The following DGCR8 variants were observed in gnomAD, a reference collection of about 807,000 sequenced individuals.
The protein encoded by DGCR8 is microprocessor complex subunit DGCR8.
DGCR8 carries 14 observed loss-of-function variants against 78.5 expected under a neutral mutation model. The observed-to-expected ratio is 0.18, with a 90% CI of 0.12 to 0.28. The LOEUF (loss-of-function observed/expected upper bound fraction) is 0.28. Ranked by LOEUF, DGCR8 falls within the 10% of genes least tolerant of loss-of-function variation. The pLI, the probability that DGCR8 is intolerant of heterozygous loss-of-function variation, is 1.00. For missense variants in DGCR8, 702 were observed against 1,022.5 expected (o/e 0.69, Z 4.28); for synonymous variants, 399 against 402.4 (o/e 0.99, Z 0.10).
Position 20,086,173 on chromosome 22 carries a change from C to A in DGCR8, c.210C>A (p.Tyr70Ter). The A allele has an allele frequency of 6.2e-7, 1 of 1,614,174 alleles. No individual in the cohort carries two copies. Among genetic ancestry groups the A allele is most frequent in the Non-Finnish European group, 8.5e-7 (1 of 1,180,028 alleles). Residue 70 changes from tyrosine to a stop codon, truncating the protein, a stop_gained, in exon 2 of 14, where the codon TAC (tyrosine) becomes TAA (stop). Coordinates refer to ENST00000351989, the MANE Select transcript of DGCR8 (RefSeq NM_022720.7). LOFTEE classifies it high-confidence loss of function. This position sits in a 1 kb window ranked among gnomAD's most constrained non-coding sequence, Gnocchi z 6.4. ...CTGCTGAGGACCCCTTCAACTTCTACGGAGCTTCTCTTCTCTCCAAAGGAT... is the reference window on the plus strand; with the variant it reads ...CTGCTGAGGACCCCTTCAACTTCTAAGGAGCTTCTCTTCTCTCCAAAGGAT... ...ELPAEDPFNFYGASLLSKGSF... is the reference protein window; with the variant it reads ...ELPAEDPFNF
intron 9 of DGCR8, chr22:20,101,982 T>G: frequency 2.0e-6 from 2 of 985,418 alleles, no homozygotes; most frequent in Non-Finnish European, 2.4e-6. Flanking sequence ...CATCATTTCC[T>G]TTTCACAAAG....
At chr22:20,095,898 C>G (rs2049623429) in intron 9 of DGCR8, among the ~76,000 whole-genome samples, 1 of 151,994 alleles carries the variant, frequency 6.6e-6, no homozygotes. Flanking sequence ...ATAAGGAGTA[C>G]ACAACCTAGA....
chr22:20,082,226 A>G (rs1439624631), intron 1 of DGCR8, among the ~76,000 whole-genome samples: 1 of 147,218 alleles, frequency 6.8e-6, no homozygotes, highest in Non-Finnish European at 1.5e-5. Flanking sequence ...CGCCCGGCTG[A>G]TTTTTGTATT....
rs1425515588 is a variant in DGCR8, at chr22:20,111,363, G to GCT, written c.*1256_*1257dup. The stretch of plus-strand genomic sequence containing the variant: ...GCCCCCTACAGGCGGTACTGATGGC[G>GCT]CTTTTTTTTTTTTTTCTGTCAGGAA... On this transcript the variant is annotated 3_prime_UTR_variant, in exon 14 of 14. Transcript: ENST00000351989. 3 of 378,548 alleles carry GCT rather than the reference G, an allele frequency of 7.9e-6. No homozygotes were observed. Among genetic ancestry groups the GCT allele is most frequent in the Non-Finnish European group, 1.4e-5 (3 of 218,286 alleles). 23.4% of individuals were successfully genotyped at this position (378,548 alleles called of 1,614,324 possible).
At chr22:20,108,438 C>T (rs903351633) in intron 12 of DGCR8, 10 of 154,674 alleles carry the variant, frequency 6.5e-5, no homozygotes, top group South Asian at 2.0e-4. Flanking sequence ...TGGCCTAAGA[C>T]GGGAAGGGGC....
At position 20,085,113 on chromosome 22, in the gene DGCR8, C is replaced by T. The variant is rs928990263; in HGVS notation, c.-277-574C>T. Reference sequence around the variant, plus strand: ...GCTGCCACCTCTGGTGACCTCAGCACGCTGCATCACTGTCCCCGTCCACGT... The same window carrying T: ...GCTGCCACCTCTGGTGACCTCAGCATGCTGCATCACTGTCCCCGTCCACGT... On this transcript the variant is annotated intron_variant, in intron 1 of 13. Transcript: ENST00000351989. This position sits in a 1 kb window ranked among gnomAD's most constrained non-coding sequence, Gnocchi z 6.2. The T allele has an allele frequency of 2.3e-5, 20 of 859,204 alleles. No individual in the cohort carries two copies. Among genetic ancestry groups the T allele is most frequent in the Middle Eastern group, 5.8e-4 (1 of 1,718 alleles). The allele number at this position is 859,204 out of a possible 1,614,324, so 53.2% of individuals were successfully genotyped here.
Position 20,087,008 on chromosome 22 carries a change from G to A in DGCR8, c.721-154G>A. The A allele has an allele frequency of 9.7e-7, 1 of 1,032,380 alleles. No homozygotes were observed. 64.0% of individuals were successfully genotyped at this position (1,032,380 alleles called of 1,614,324 possible). A position where few individuals can be genotyped will look rare whatever the true frequency, so the allele number is the denominator to read the frequency against. On this transcript the variant is annotated intron_variant, in intron 2 of 13. Transcript: ENST00000351989. This position sits in a 1 kb window ranked among gnomAD's most constrained non-coding sequence, Gnocchi z 4.1. ...TGGTGTCAGCTGGTAGCTTCATCCT[G>A]TTTGTTTTTCAGATGATCATGCACC...
At chr22:20,097,023 G>T (rs2049636451) in intron 9 of DGCR8, among the ~76,000 whole-genome samples, 1 of 151,880 alleles carries the variant, frequency 6.6e-6, no homozygotes, top group East Asian at 1.9e-4. Flanking sequence ...TATCCCACTT[G>T]GTCATGACAT....
rs200010909 is a variant in DGCR8 at position 20,090,171 on chromosome 22, G to A, written c.1219G>A (p.Glu407Lys). Residue 407 changes from glutamate to lysine, a missense_variant, in exon 5 of 14, where the codon GAG becomes AAG. This residue lies in a region of DGCR8 where 119 missense variants were observed against 126.1 expected (regional missense o/e 0.94). Coordinates refer to ENST00000351989, the MANE Select transcript of DGCR8 (RefSeq NM_022720.7). ...SMGADPGPPD[E>K]KDPLGAEAAP... ...GGGTGCTGACCCGGGGCCCCCGGAC[G>A]AGAAAGACCCACTAGGGGCTGAGGC... The A allele has an allele frequency of 6.8e-6, 11 of 1,614,254 alleles. No individual in the cohort carries two copies. The highest frequency in any genetic ancestry group is 5.3e-5 in the African/African-American group (4 of 75,072).
chr22:20,085,948 C>T lies in DGCR8; in HGVS notation c.-16C>T. The T allele has an allele frequency of 6.5e-7, 1 of 1,544,382 alleles. No homozygotes were observed. The highest frequency in any genetic ancestry group is 8.7e-7 in the Non-Finnish European group (1 of 1,150,162). On this transcript the variant is annotated 5_prime_UTR_variant, in exon 2 of 14. Transcript: ENST00000351989. The surrounding 1 kb of genome is among the most constrained non-coding windows in gnomAD (Gnocchi z 6.2). Reference sequence around the variant, plus strand: ...TAAAACTCTGGTCTTGTAAACTAGTCTTAAGCGCTTTTAATATGGAGACAG... The same window carrying T: ...TAAAACTCTGGTCTTGTAAACTAGTTTTAAGCGCTTTTAATATGGAGACAG...
intron 1 of DGCR8, among the ~76,000 whole-genome samples, chr22:20,081,136 C>T (rs2049413443): frequency 6.6e-6 from 1 of 152,202 alleles, no homozygotes; most frequent in South Asian, 2.1e-4. Flanking sequence ...CCAGTGTTGC[C>T]TCTAAGTGCG....
rs71717697 is a variant in DGCR8 at position 20,111,706 on chromosome 22, G to GCCCCCCCCCCCCCCCCCCCC, written c.*1614_*1615insCCCCCCCCCCCCCCCCCCCC. 7 of 63,038 alleles carry GCCCCCCCCCCCCCCCCCCCC rather than the reference G, an allele frequency of 1.1e-4. 3 individuals carry two copies. Among genetic ancestry groups the GCCCCCCCCCCCCCCCCCCCC allele is most frequent in the Non-Finnish European group, 2.1e-4 (7 of 33,560 alleles). 3.9% of individuals were successfully genotyped at this position (63,038 alleles called of 1,614,324 possible). On this transcript the variant is annotated 3_prime_UTR_variant, in exon 14 of 14. Transcript: ENST00000351989. ...TGCCATACTCTTGTGGTCTCTGTGC[G>GCCCCCCCCCCCCCCCCCCCC]CCCCCCCCCCCCCCCCACCCGTCTG...
chr22:20,083,021 C>G (rs913247285), intron 1 of DGCR8, among the ~76,000 whole-genome samples: 3 of 152,160 alleles, frequency 2.0e-5, no homozygotes, highest in African/African-American at 7.2e-5. Flanking sequence ...CCCACTGTCA[C>G]GTCCCCTCAG....
rs374730045 is a variant in DGCR8, at chr22:20,110,121, G to A, written c.*13G>A. 35 of 1,605,134 alleles carry A rather than the reference G, an allele frequency of 2.2e-5. No homozygotes were observed. Among genetic ancestry groups the A allele is most frequent in the Admixed American group, 1.0e-4 (6 of 59,968 alleles). On this transcript the variant is annotated 3_prime_UTR_variant, in exon 14 of 14. Coordinates refer to ENST00000351989, the MANE Select transcript of DGCR8 (RefSeq NM_022720.7). Reference sequence around the variant, plus strand: ...CGTGGACGTGTGAGGGAGGTGGCACGGGCCAGGGCGCGGGGGCCGCCAGCC... The same window carrying A: ...CGTGGACGTGTGAGGGAGGTGGCACAGGCCAGGGCGCGGGGGCCGCCAGCC...
chr22:20,091,652 A>G lies in DGCR8; in HGVS notation c.1504+20A>G. The G allele has an allele frequency of 6.2e-7, 1 of 1,611,374 alleles. No homozygotes were observed. The highest frequency in any genetic ancestry group is 8.5e-7 in the Non-Finnish European group (1 of 1,177,704). ...AGAAAGGTATAAGCCTCTGCATTTT[A>G]ACATCAGCAGACTGGTTATGCTGTT... is the stretch of plus-strand genomic sequence containing the variant. On this transcript the variant is annotated intron_variant, in intron 6 of 13. Coordinates refer to ENST00000351989, the MANE Select transcript of DGCR8 (RefSeq NM_022720.7).
At chr22:20,090,603 T>C (rs2049544614) in intron 5 of DGCR8, among the ~76,000 whole-genome samples, 1 of 152,224 alleles carries the variant, frequency 6.6e-6, no homozygotes, top group South Asian at 2.1e-4. Flanking sequence ...TGGCATTGTT[T>C]TGATTTGTCT....
Position 20,106,285 on chromosome 22 carries a change from A to T in DGCR8, c.1889+8A>T. 2 of 1,609,668 alleles carry T rather than the reference A, an allele frequency of 1.2e-6. No homozygotes were observed. Among genetic ancestry groups the T allele is most frequent in the Admixed American group, 1.7e-5 (1 of 60,012 alleles). ...CCACGAGTGCCTTAAAAGGTAGGGT[A>T]GGGGGGTGCCTCCCCCCATGAGTCA... On this transcript the variant is annotated splice_region_variant and intron_variant, in intron 10 of 13. Coordinates refer to ENST00000351989, the MANE Select transcript of DGCR8 (RefSeq NM_022720.7).
intron 9 of DGCR8, among the ~76,000 whole-genome samples, chr22:20,099,580 C>G (rs1411837225): frequency 6.6e-6 from 1 of 152,230 alleles, no homozygotes; most frequent in African/African-American, 2.4e-5. Context: ...ACTCCTTGTT[C>G]TTAGCAAGAC....
chr22:20,101,266 C>T, intron 9 of DGCR8: 2 of 985,390 alleles, frequency 2.0e-6, no homozygotes, highest in Non-Finnish European at 2.4e-6. Flanking sequence ...AGCTCTTTGA[C>T]CCTCTTATTT....
Sources: gnomAD v4.1 joint callset for allele counts (sites outside exome capture counted in the v4.1 genomes callset) on GRCh38, gnomAD v4.1.1 for gene constraint, gnomAD v4.1.1 regional missense constraint, Gnocchi (gnomAD v3.1) non-coding constraint, MANE v1.5 for transcripts, NCBI Gene and HGNC (gene_info 2026-07-23, HGNC 2026-07-21) for gene names.